The following B3GALT1 variants were observed in gnomAD, a reference collection of about 807,000 sequenced individuals.
B3GALT1 encodes the protein beta-1,3-galactosyltransferase 1.
Under a neutral mutation model 23.2 loss-of-function variants are expected in B3GALT1, and 10 were observed. The observed-to-expected ratio is 0.43, with a 90% CI of 0.27 to 0.73. The LOEUF (loss-of-function observed/expected upper bound fraction) is 0.73. Among genes scored for constraint, B3GALT1 ranks in the 30% least tolerant of loss-of-function variants. The pLI is 0.21. For missense variants in B3GALT1, 299 were observed against 405.4 expected, an observed-to-expected ratio of 0.74 and a Z score of 2.25; for synonymous variants, 156 against 141.5, an observed-to-expected ratio of 1.10 and a Z score of -0.73.
intron 2 of B3GALT1, among the ~76,000 whole-genome samples, chr2:167,559,419 G>C (rs185398257): frequency 1.3e-5 from 2 of 152,202 alleles, no homozygotes; most frequent in African/African-American, 4.8e-5. Flanking sequence ...CCAAAGGAAC[G>C]CAATTCCTCA....
intron 2 of B3GALT1, among the ~76,000 whole-genome samples, chr2:167,586,061 G>A (rs574178791): frequency 6.6e-6 from 1 of 152,124 alleles, no homozygotes; most frequent in Non-Finnish European, 1.5e-5. Flanking sequence ...TGGAGTGGCT[G>A]GTAGGTGTAT....
intron 3 of B3GALT1, among the ~76,000 whole-genome samples, chr2:167,664,570 G>A (rs894983279): frequency 1.7e-4 from 24 of 144,998 alleles, no homozygotes; most frequent in Non-Finnish European, 2.7e-4. Context: ...CCATTTTCAC[G>A]ATATTGATTC....
At chr2:167,720,970 G>GTTGTTA (rs761333397) in intron 3 of B3GALT1, among the ~76,000 whole-genome samples, 8 of 152,172 alleles carry the variant, frequency 5.3e-5, no homozygotes, top group East Asian at 3.9e-4. Flanking sequence ...ATTGTATGTT[G>GTTGTTA]TTGTTATTGT....
intron 2 of B3GALT1, among the ~76,000 whole-genome samples, chr2:167,524,776 A>G (rs925819613): frequency 1.3e-5 from 2 of 152,218 alleles, no homozygotes; most frequent in East Asian, 1.9e-4. Flanking sequence ...GCTCACAAGT[A>G]TATATTGTTA....
At position 167,631,471 on chromosome 2, in the gene B3GALT1, A is replaced by C. The variant is rs1574178811; in HGVS notation, c.-409-15438A>C. The C allele has an allele frequency of 2.0e-5, 3 of 151,946 alleles. No homozygotes were observed. The South Asian group carries it at 6.2e-4, about 31-fold the overall frequency. 9.4% of individuals were successfully genotyped at this position (151,946 alleles called of 1,614,324 possible). A position where few individuals can be genotyped will look rare whatever the true frequency, so the allele number is the denominator to read the frequency against. Reference sequence around the variant, plus strand: ...TGTCTAGCAGGATAACCCAATAGATAAGTATTTTTATGGTTTTCTGGTGGA... The same window carrying C: ...TGTCTAGCAGGATAACCCAATAGATCAGTATTTTTATGGTTTTCTGGTGGA... On this transcript the variant is annotated intron_variant, in intron 2 of 4. Transcript: ENST00000392690.
intron 4 of B3GALT1, among the ~76,000 whole-genome samples, chr2:167,856,444 A>G (rs1690001516): frequency 6.6e-6 from 1 of 152,170 alleles, no homozygotes. Context: ...CAAGAGCATG[A>G]GTACTCCATG....
chr2:167,326,277 T>TGG (rs1696893159), intron 1 of B3GALT1, among the ~76,000 whole-genome samples: 1 of 50,780 alleles, frequency 2.0e-5, no homozygotes, highest in Admixed American at 2.5e-4. Flanking sequence ...ACTTCTTAAT[T>TGG]GGATTGTTTG....
rs1440839561 is a variant in B3GALT1, at chr2:167,663,322, G to A, written c.-352+16356G>A. ...TTTTTATGGCTGCATAGTATTCCATGGTGTATATGTGCCACATTTTCTTAA... is the reference window on the plus strand; with the variant it reads ...TTTTTATGGCTGCATAGTATTCCATAGTGTATATGTGCCACATTTTCTTAA... On this transcript the variant is annotated intron_variant, in intron 3 of 4. Transcript: ENST00000392690. Among the ~76,000 whole-genome samples, 3 of 152,002 alleles carry A rather than the reference G, an allele frequency of 2.0e-5. No individual in the cohort carries two copies. The East Asian group carries it at 5.8e-4, about 29-fold the overall frequency.
At chr2:167,387,195 A>G (rs982018079) in intron 1 of B3GALT1, among the ~76,000 whole-genome samples, 1 of 152,238 alleles carries the variant, frequency 6.6e-6, no homozygotes, top group African/African-American at 2.4e-5. Context: ...TTGATCAACA[A>G]TATGCCATCC....
intron 1 of B3GALT1, among the ~76,000 whole-genome samples, chr2:167,306,987 G>A (rs1044967985): frequency 4.6e-5 from 7 of 151,968 alleles, no homozygotes; most frequent in Admixed American, 1.3e-4. Context: ...ATCATATTTT[G>A]TAAAAGTTTA....
intron 3 of B3GALT1, among the ~76,000 whole-genome samples, chr2:167,701,375 G>A (rs1173755999): frequency 1.3e-5 from 2 of 152,082 alleles, no homozygotes; most frequent in African/African-American, 4.8e-5. Context: ...AAGATTTCCA[G>A]TGCAGCAGCC....
At chr2:167,301,620 A>G (rs142576113) in intron 1 of B3GALT1, among the ~76,000 whole-genome samples, 5 of 152,114 alleles carry the variant, frequency 3.3e-5, no homozygotes, top group African/African-American at 1.2e-4. Flanking sequence ...GCACACTCTC[A>G]GCTCACTGCA....
chr2:167,431,223 C>G (rs73972270), intron 1 of B3GALT1, among the ~76,000 whole-genome samples: 2 of 152,080 alleles, frequency 1.3e-5, no homozygotes, highest in Non-Finnish European at 2.9e-5. Flanking sequence ...ATATTTTCCT[C>G]AGAAAACAAT....
At chr2:167,669,031 C>T (rs1277151966) in intron 3 of B3GALT1, among the ~76,000 whole-genome samples, 1 of 152,138 alleles carries the variant, frequency 6.6e-6, no homozygotes, top group Non-Finnish European at 1.5e-5. Context: ...TTGCTGTCCC[C>T]CTCCCTCCCC....
intron 3 of B3GALT1, chr2:167,714,383 G>A: frequency 6.6e-7 from 1 of 1,513,524 alleles, no homozygotes. Flanking sequence ...AGGATTCCCT[G>A]GGCTGCTTGG....
At chr2:167,783,961 G>T (rs919883209) in intron 3 of B3GALT1, among the ~76,000 whole-genome samples, 1 of 152,188 alleles carries the variant, frequency 6.6e-6, no homozygotes, top group Non-Finnish European at 1.5e-5. Flanking sequence ...GACCACAGTG[G>T]CAAGGTCTGG....
intron 3 of B3GALT1, among the ~76,000 whole-genome samples, chr2:167,817,753 A>ATGAT (rs1419010196): frequency 7.2e-5 from 11 of 151,970 alleles, no homozygotes; most frequent in African/African-American, 2.7e-4. Flanking sequence ...AACTTACTCT[A>ATGAT]TGATATACAT....
chr2:167,327,219 T>A (rs1369787609), intron 1 of B3GALT1, among the ~76,000 whole-genome samples: 1 of 152,146 alleles, frequency 6.6e-6, no homozygotes, highest in Non-Finnish European at 1.5e-5. Flanking sequence ...AAGACTGCTT[T>A]GGGCATTCTG....
chr2:167,525,814 A>G (rs995975077), intron 2 of B3GALT1, among the ~76,000 whole-genome samples: 3 of 149,882 alleles, frequency 2.0e-5, no homozygotes, highest in African/African-American at 4.9e-5. Flanking sequence ...GGGTCCGCCT[A>G]TGTTGCCCAG....
Sources: allele counts gnomAD v4.1 joint callset (sites outside exome capture counted in the v4.1 genomes callset), GRCh38; gene constraint gnomAD v4.1.1; transcripts MANE v1.5; gene names NCBI Gene and HGNC (gene_info 2026-07-23, HGNC 2026-07-21).